TMC1: variants seen among roughly 807,000 people sequenced by gnomAD.
TMC1 encodes the protein transmembrane channel like 1.
In TMC1, 84 loss-of-function variants were observed where a neutral mutation model predicts 105.8. The ratio of observed to expected loss-of-function variants is 0.79; its 90% confidence interval spans 0.67 to 0.95. The LOEUF is 0.95. Ranked by LOEUF, TMC1 falls within the 40% of genes least tolerant of loss-of-function variation. TMC1 has a pLI of 0.00. For synonymous variants in TMC1, 315 were observed against 311.5 expected, an observed-to-expected ratio of 1.01 and a Z score of -0.12; for missense variants, 817 against 914.1, an observed-to-expected ratio of 0.89 and a Z score of 1.37.
intron 3 of TMC1, among the ~76,000 whole-genome samples, chr9:72,617,999 G>C (rs979373139): frequency 6.6e-6 from 1 of 150,436 alleles, no homozygotes; most frequent in East Asian, 1.9e-4. Flanking sequence ...ACAAGGATAG[G>C]AGCGAGACTT....
At chr9:72,672,684 G>T (rs1171948427) in intron 5 of TMC1, among the ~76,000 whole-genome samples, 1 of 152,012 alleles carries the variant, frequency 6.6e-6, no homozygotes, top group African/African-American at 2.4e-5. Flanking sequence ...AAAAATATCA[G>T]TAAGGATACA....
intron 1 of TMC1, among the ~76,000 whole-genome samples, chr9:72,560,746 A>G (rs899493244): frequency 6.6e-5 from 10 of 151,758 alleles, no homozygotes; most frequent in Admixed American, 5.3e-4. Flanking sequence ...CGCCTCCCAA[A>G]GTGCTGGGAT....
intron 17 of TMC1, among the ~76,000 whole-genome samples, chr9:72,805,089 T>C (rs1186103840): frequency 2.0e-5 from 3 of 152,234 alleles, no homozygotes; most frequent in Non-Finnish European, 4.4e-5. Flanking sequence ...CATAAAATTT[T>C]AAACTGCTGT....
chr9:72,789,322 G>A lies in TMC1; in HGVS notation c.1224+5G>A, dbSNP rs397517835. On this transcript the variant is annotated splice_donor_5th_base_variant and intron_variant, in intron 15 of 23. Transcript: ENST00000297784. ...GGGTGGTGGGAAAAAAATGAAGTTC[G>A]TCTCTGCATGCTTTTTATGTGCTTA... 13 of 1,613,040 alleles carry A rather than the reference G, an allele frequency of 8.1e-6. No individual in the cohort carries two copies. Among genetic ancestry groups the A allele is most frequent in the Admixed American group, 1.7e-5 (1 of 59,986 alleles).
intron 1 of TMC1, among the ~76,000 whole-genome samples, chr9:72,575,616 G>A (rs542622147): frequency 6.6e-6 from 1 of 152,316 alleles, no homozygotes; most frequent in East Asian, 1.9e-4. Flanking sequence ...TCTGAGAGAA[G>A]CACACACACA....
intron 1 of TMC1, among the ~76,000 whole-genome samples, chr9:72,571,508 T>A (rs1587966008): frequency 6.7e-6 from 1 of 148,242 alleles, no homozygotes; most frequent in Admixed American, 6.8e-5. Flanking sequence ...AGTGCAATGG[T>A]GCAATCTTGG....
intron 5 of TMC1, among the ~76,000 whole-genome samples, chr9:72,663,916 G>A (rs1168272553): frequency 1.3e-5 from 2 of 151,616 alleles, no homozygotes; most frequent in African/African-American, 4.9e-5. Context: ...TTTAAATGAA[G>A]ACAGAAACAC....
chr9:72,672,468 G>T (rs971205028), intron 5 of TMC1, among the ~76,000 whole-genome samples: 1 of 151,852 alleles, frequency 6.6e-6, no homozygotes, highest in African/African-American at 2.4e-5. Flanking sequence ...CCAATTAAAA[G>T]TTAAAAATGG....
intron 1 of TMC1, among the ~76,000 whole-genome samples, chr9:72,535,173 G>A (rs550253020): frequency 1.5e-4 from 23 of 152,210 alleles, no homozygotes; most frequent in Admixed American, 1.4e-3. Context: ...TCTACCTAAA[G>A]TTACCCAGTT....
chr9:72,624,092 G>A (rs758155545), intron 3 of TMC1, among the ~76,000 whole-genome samples: 9 of 152,122 alleles, frequency 5.9e-5, no homozygotes, highest in Non-Finnish European at 8.8e-5. Context: ...CCTGAGGAAC[G>A]GTACTATGTC....
chr9:72,718,776 A>G (rs1184393004), intron 8 of TMC1, among the ~76,000 whole-genome samples: 1 of 152,112 alleles, frequency 6.6e-6, no homozygotes, highest in East Asian at 1.9e-4. Flanking sequence ...TCCCAAGAAA[A>G]TATGAACTTT....
chr9:72,668,365 C>T (rs890673600), intron 5 of TMC1, among the ~76,000 whole-genome samples: 3 of 152,314 alleles, frequency 2.0e-5, no homozygotes, highest in African/African-American at 7.2e-5. Flanking sequence ...TAATCCTGTG[C>T]TCCTTCAGCT....
intron 18 of TMC1, among the ~76,000 whole-genome samples, chr9:72,814,007 G>A (rs1456245883): frequency 6.6e-6 from 1 of 152,158 alleles, no homozygotes; most frequent in African/African-American, 2.4e-5. Context: ...TGTCCTTTAT[G>A]CTTTTCTAGT....
At chr9:72,784,488 G>A (rs1417873147) in intron 13 of TMC1, among the ~76,000 whole-genome samples, 1 of 152,170 alleles carries the variant, frequency 6.6e-6, no homozygotes, top group Non-Finnish European at 1.5e-5. Flanking sequence ...AGATGCTGTT[G>A]GTGGGAATGT....
rs1329140038 is a variant in TMC1 at position 72,816,153 on chromosome 9, C to A, written c.1706C>A (p.Thr569Asn). ...TTGTGTCTCCTCTAGCCTTCATACA[C>A]CGAATTCGACATCAGTGGCAACGTC... ...WDLEYGYPSY[T>N]EFDISGNVLA... Residue 569 changes from threonine (T) to asparagine (N), a missense_variant, in exon 19 of 24, where the codon ACC (threonine) becomes AAC (asparagine). By Grantham distance (65) the Thr-to-Asn change is moderately conservative (BLOSUM62 0). Coordinates refer to ENST00000297784, the MANE Select transcript of TMC1 (RefSeq NM_138691.3). 1 of 1,613,446 alleles carries A rather than the reference C, an allele frequency of 6.2e-7. No homozygotes were observed. Among genetic ancestry groups the A allele is most frequent in the East Asian group, 2.2e-5 (1 of 44,866 alleles).
At chr9:72,709,010 CG>C (rs35584155) in intron 8 of TMC1, among the ~76,000 whole-genome samples, 2 of 142,530 alleles carry the variant, frequency 1.4e-5, no homozygotes, top group African/African-American at 5.3e-5. Context: ...ATTTTTTTTT[CG>C]GGGGGGTGGG....
At chr9:72,752,006 A>G (rs1827588055) in intron 11 of TMC1, 50 bp downstream of exon 11, 2 of 1,172,946 alleles carry the variant, frequency 1.7e-6, no homozygotes, top group Non-Finnish European at 1.3e-6. Context: ...TGTTTCTCCT[A>G]GAAAAGTATT....
chr9:72,686,537 G>T (rs1030955647), intron 5 of TMC1, among the ~76,000 whole-genome samples: 1 of 152,164 alleles, frequency 6.6e-6, no homozygotes, highest in Non-Finnish European at 1.5e-5. Context: ...CATTAAAATC[G>T]AGCTTGCTCT....
chr9:72,683,727 C>A (rs1826326926), intron 5 of TMC1, among the ~76,000 whole-genome samples: 1 of 42,204 alleles, frequency 2.4e-5, no homozygotes, highest in African/African-American at 6.3e-5. Flanking sequence ...ACCTGAGTTA[C>A]ACATTTTATA....
Sources: gnomAD v4.1 joint callset for allele counts (sites outside exome capture counted in the v4.1 genomes callset) on GRCh38, gnomAD v4.1.1 for gene constraint, MANE v1.5 for transcripts, NCBI Gene and HGNC (gene_info 2026-07-23, HGNC 2026-07-21) for gene names.